The following GMDS variants were observed in gnomAD, a reference collection of about 807,000 sequenced individuals.
The protein encoded by GMDS is GDP-mannose 4,6-dehydratase, also known as GDP-mannose 4,6 dehydratase.
A neutral mutation model predicts 49.9 loss-of-function variants in GMDS; 20 were observed. The observed-to-expected ratio is 0.40, with a 90% CI of 0.28 to 0.58. The LOEUF is 0.58. Among genes scored for constraint, GMDS ranks in the 20% least tolerant of loss-of-function variants. The pLI, the probability that GMDS is intolerant of heterozygous loss-of-function variation, is 0.42. For missense variants in GMDS, 362 were observed against 481.4 expected, an observed-to-expected ratio of 0.75 and a Z score of 2.32; for synonymous variants, 177 against 178.6, an observed-to-expected ratio of 0.99 and a Z score of 0.07.
chr6:2,230,639 A>G (rs1781044383), intron 1 of GMDS, among the ~76,000 whole-genome samples: 1 of 152,190 alleles, frequency 6.6e-6, no homozygotes, highest in African/African-American at 2.4e-5. Context: ...TGGAAAGAAA[A>G]TACTACATAA....
intron 1 of GMDS, among the ~76,000 whole-genome samples, chr6:2,222,619 GGAAATGCTGTACTAA>G (rs1388929874): frequency 6.6e-6 from 1 of 152,218 alleles, no homozygotes; most frequent in African/African-American, 2.4e-5. Flanking sequence ...AACAAAAAAA[GGAAATGCTGTACTAA>G]GAAATGCTGT....
intron 9 of GMDS, among the ~76,000 whole-genome samples, chr6:1,710,270 T>A (rs1017361787): frequency 6.6e-6 from 1 of 152,228 alleles, no homozygotes; most frequent in Non-Finnish European, 1.5e-5. Flanking sequence ...TGTGTATGTG[T>A]ATATTCCTGA....
intron 4 of GMDS, among the ~76,000 whole-genome samples, chr6:2,086,483 C>T (rs775186425): frequency 2.2e-4 from 34 of 152,226 alleles, no homozygotes; most frequent in Non-Finnish European, 4.3e-4. Context: ...AGCATCTCCA[C>T]TTAAATCAGA....
At chr6:2,004,186 C>T (rs887510067) in intron 4 of GMDS, among the ~76,000 whole-genome samples, 1 of 152,212 alleles carries the variant, frequency 6.6e-6, no homozygotes, top group African/African-American at 2.4e-5. Flanking sequence ...AGGGCAAGCC[C>T]TTCCATTAGA....
chr6:1,785,031 A>T (rs545613156), intron 7 of GMDS, among the ~76,000 whole-genome samples: 2 of 152,358 alleles, frequency 1.3e-5, no homozygotes, highest in East Asian at 3.9e-4. Flanking sequence ...TTTCTCAAAG[A>T]AAGGATAAAA....
rs62388414 is a variant in GMDS at position 1,798,064 on chromosome 6, G to A, written c.772-55478C>T. On this transcript the variant is annotated intron_variant, in intron 7 of 10. Coordinates refer to ENST00000380815, the MANE Select transcript of GMDS (RefSeq NM_001500.4). ...ATCTTCCTGCAATTCTTGAACAAAGGAGTCAAAGGACACAAAGTTTTCACA... is the reference window on the plus strand; with the variant it reads ...ATCTTCCTGCAATTCTTGAACAAAGAAGTCAAAGGACACAAAGTTTTCACA... Among the ~76,000 whole-genome samples the A allele has an allele frequency of 5.2e-3, 792 of 152,186 alleles. 4 individuals are homozygous for A. Among genetic ancestry groups the A allele is most frequent in the Non-Finnish European group, 8.9e-3 (607 of 68,012 alleles).
chr6:1,698,590 A>C (rs1765427037), intron 9 of GMDS, among the ~76,000 whole-genome samples: 1 of 152,060 alleles, frequency 6.6e-6, no homozygotes, highest in Non-Finnish European at 1.5e-5. Context: ...AGGTGAGCTG[A>C]GTCAGGACCG....
intron 1 of GMDS, among the ~76,000 whole-genome samples, chr6:2,197,085 CAAT>C (rs1233254222): frequency 6.6e-6 from 1 of 152,194 alleles, no homozygotes; most frequent in African/African-American, 2.4e-5. Context: ...ATTTAAGTTT[CAAT>C]AATGTCTTAT....
chr6:2,105,108 G>T (rs1477437245), intron 4 of GMDS, among the ~76,000 whole-genome samples: 1 of 151,038 alleles, frequency 6.6e-6, no homozygotes. Flanking sequence ...CGTGAACCCG[G>T]GAGGCGGAGC....
chr6:1,688,338 T>C (rs1258137201), intron 9 of GMDS, among the ~76,000 whole-genome samples: 1 of 152,258 alleles, frequency 6.6e-6, no homozygotes, highest in Non-Finnish European at 1.5e-5. Flanking sequence ...ATTACACAGA[T>C]GAACGACGGC....
intron 6 of GMDS, chr6:1,930,459 C>T (rs920710847): frequency 4.3e-5 from 17 of 398,602 alleles, no homozygotes; most frequent in Middle Eastern, 6.4e-4. Context: ...TCAGAACAAA[C>T]GTTTTTCTTT....
Position 1,624,482 on chromosome 6 carries a change from A to T in GMDS, c.1046T>A (p.Val349Asp). The change falls in exon 10 of 11, where the codon GTC becomes GAC. Residue 349 changes from valine to aspartate, a missense_variant. Transcript: ENST00000380815. Reference sequence around the variant, plus strand: ...CTAAGAGATACTCACATCGAAAGCGACCCGGGGCTTCCAGTTCAGCTTCTG... The same window carrying T: ...CTAAGAGATACTCACATCGAAAGCGTCCCGGGGCTTCCAGTTCAGCTTCTG... ...AKQKLNWKPR[V>D]AFDELVREMV... 1 of 1,613,414 alleles carries T rather than the reference A, an allele frequency of 6.2e-7. No homozygotes were observed.
At chr6:2,103,486 A>T (rs1207499621) in intron 4 of GMDS, among the ~76,000 whole-genome samples, 4 of 152,186 alleles carry the variant, frequency 2.6e-5, no homozygotes, top group Admixed American at 2.0e-4. Context: ...TAGACCAGAA[A>T]AAAAATAGAG....
At chr6:1,794,316 CA>C (rs34140629) in intron 7 of GMDS, among the ~76,000 whole-genome samples, 69,836 of 148,376 alleles carry the variant, frequency 0.47, 17,087 homozygotes, top group African/African-American at 0.65. Flanking sequence ...TTCACTGAGG[CA>C]AAAAAAAAAA....
At chr6:1,849,772 C>G (rs1189961766) in intron 7 of GMDS, among the ~76,000 whole-genome samples, 1 of 152,002 alleles carries the variant, frequency 6.6e-6, no homozygotes, top group Non-Finnish European at 1.5e-5. Flanking sequence ...CTCGACAGAA[C>G]AGACCGAAGC....
intron 9 of GMDS, among the ~76,000 whole-genome samples, chr6:1,648,406 A>G (rs1325503263): frequency 6.6e-6 from 1 of 152,208 alleles, no homozygotes; most frequent in Non-Finnish European, 1.5e-5. Context: ...GAAGCTGCCT[A>G]TGATCTGTAC....
At chr6:1,837,043 C>T (rs59618379) in intron 7 of GMDS, among the ~76,000 whole-genome samples, 1,629 of 152,280 alleles carry the variant, frequency 0.011, 23 homozygotes, top group African/African-American at 0.037. Flanking sequence ...CTTGCAATTA[C>T]GTTCATACAA....
intron 1 of GMDS, among the ~76,000 whole-genome samples, chr6:2,226,846 T>G (rs1780834264): frequency 6.6e-6 from 1 of 152,222 alleles, no homozygotes; most frequent in Non-Finnish European, 1.5e-5. Context: ...TTCCTCACCC[T>G]AGACCCCCAG....
intron 2 of GMDS, among the ~76,000 whole-genome samples, chr6:2,124,258 C>A (rs557159402): frequency 2.4e-4 from 37 of 152,216 alleles, no homozygotes; most frequent in Non-Finnish European, 3.1e-4. Context: ...GAAAGGAAAA[C>A]CTCCAGGTAT....
Sources: allele counts gnomAD v4.1 joint callset (sites outside exome capture counted in the v4.1 genomes callset), GRCh38; gene constraint gnomAD v4.1.1; transcripts MANE v1.5; gene names NCBI Gene and HGNC (gene_info 2026-07-23, HGNC 2026-07-21).